The following BCL2L13 variants were observed in gnomAD, a reference collection of about 807,000 sequenced individuals.
The protein encoded by BCL2L13 is bcl-2-like protein 13.
Under a neutral mutation model 25.8 loss-of-function variants are expected in BCL2L13, and 13 were observed. That is an observed-to-expected ratio of 0.50 (90% confidence interval 0.33 to 0.80). BCL2L13 has a LOEUF of 0.80. Among genes scored for constraint, BCL2L13 ranks in the 30% least tolerant of loss-of-function variants. BCL2L13 has a pLI of 0.02. For synonymous variants in BCL2L13, 244 were observed against 230.3 expected (o/e 1.06, Z -0.54); for missense variants, 504 against 574.9 (o/e 0.88, Z 1.26).
At chr22:17,701,383 C>T (rs1466620199) in intron 5 of BCL2L13, among the ~76,000 whole-genome samples, 2 of 152,160 alleles carry the variant, frequency 1.3e-5, no homozygotes, top group Admixed American at 6.5e-5. Flanking sequence ...TTTTAGGCAA[C>T]CACTATTACC....
chr22:17,647,216 C>T (rs928603867), intron 1 of BCL2L13, among the ~76,000 whole-genome samples: 12 of 151,650 alleles, frequency 7.9e-5, no homozygotes, highest in African/African-American at 2.7e-4. Flanking sequence ...CCTTGTGATC[C>T]GCTCGCCTTG....
At chr22:17,642,863 C>T (rs1223356002) in intron 1 of BCL2L13, among the ~76,000 whole-genome samples, 1 of 152,150 alleles carries the variant, frequency 6.6e-6, no homozygotes, top group Admixed American at 6.6e-5. Flanking sequence ...TCCCAAAGTG[C>T]TGGGATTATA....
chr22:17,677,855 G>A (rs922416941), intron 2 of BCL2L13, among the ~76,000 whole-genome samples: 4 of 150,630 alleles, frequency 2.7e-5, no homozygotes, highest in Admixed American at 6.6e-5. Context: ...GCGACAGAGC[G>A]AGACTCTGTC....
intron 2 of BCL2L13, among the ~76,000 whole-genome samples, chr22:17,668,041 C>T (rs1366944332): frequency 1.5e-5 from 2 of 135,974 alleles, no homozygotes; most frequent in African/African-American, 5.6e-5. Flanking sequence ...GAGACAGTCT[C>T]GCTCTGTCGC....
intron 5 of BCL2L13, 133 bp downstream of exon 5, chr22:17,696,343 TA>T: frequency 2.6e-6 from 2 of 780,044 alleles, no homozygotes; most frequent in South Asian, 3.2e-5. Flanking sequence ...GTTAAGGGGA[TA>T]TTTTTGGTTA....
chr22:17,673,279 G>T (rs2059471327), intron 2 of BCL2L13, among the ~76,000 whole-genome samples: 1 of 151,756 alleles, frequency 6.6e-6, no homozygotes, highest in Non-Finnish European at 1.5e-5. Context: ...ATAAATAAAT[G>T]CTCTATTTAT....
intron 5 of BCL2L13, among the ~76,000 whole-genome samples, chr22:17,700,847 C>T (rs2060412518): frequency 6.6e-6 from 1 of 152,166 alleles, no homozygotes; most frequent in Non-Finnish European, 1.5e-5. Context: ...CCCAGGGCTG[C>T]TTTCTCTTCG....
chr22:17,701,438 CAT>C (rs917055512), intron 5 of BCL2L13, among the ~76,000 whole-genome samples: 10 of 152,032 alleles, frequency 6.6e-5, no homozygotes, highest in South Asian at 2.1e-4. Context: ...ATTATATAGA[CAT>C]ATATATATGT....
intron 1 of BCL2L13, among the ~76,000 whole-genome samples, chr22:17,652,283 C>G (rs1202783997): frequency 1.3e-5 from 2 of 152,148 alleles, no homozygotes; most frequent in African/African-American, 4.8e-5. Flanking sequence ...AGTGATCCCT[C>G]TGCCTTGACC....
intron 2 of BCL2L13, among the ~76,000 whole-genome samples, chr22:17,676,236 C>T (rs1163112617): frequency 1.3e-5 from 2 of 151,898 alleles, no homozygotes; most frequent in East Asian, 3.9e-4. Flanking sequence ...CTGAGGCAGG[C>T]GGATCACTTC....
chr22:17,644,026 T>C (rs1206105090), intron 1 of BCL2L13, among the ~76,000 whole-genome samples: 1 of 151,274 alleles, frequency 6.6e-6, no homozygotes, highest in Non-Finnish European at 1.5e-5. Flanking sequence ...TTCTCCTGGC[T>C]CAGCCTCCTG....
chr22:17,652,034 T>C (rs2058706375), intron 1 of BCL2L13, among the ~76,000 whole-genome samples: 1 of 152,176 alleles, frequency 6.6e-6, no homozygotes, highest in Admixed American at 6.6e-5. Flanking sequence ...TATCACTACC[T>C]GGATGACCTG....
intron 6 of BCL2L13, among the ~76,000 whole-genome samples, chr22:17,716,283 T>G (rs1442771954): frequency 6.6e-6 from 1 of 152,186 alleles, no homozygotes; most frequent in Non-Finnish European, 1.5e-5. Context: ...AGTCTAAAAT[T>G]CCCTCTAAAA....
intron 1 of BCL2L13, among the ~76,000 whole-genome samples, chr22:17,649,673 T>C (rs1227553538): frequency 1.3e-5 from 2 of 150,844 alleles, no homozygotes; most frequent in Admixed American, 6.6e-5. Context: ...TGGCTAATTT[T>C]TGTATTTTTA....
rs1388796833 is a variant in BCL2L13 at position 17,730,647 on chromosome 22, C to A, written c.*3113C>A. 1 of 152,110 alleles carries A rather than the reference C, an allele frequency of 6.6e-6. No individual in the cohort carries two copies. Among genetic ancestry groups the A allele is most frequent in the African/African-American group, 2.4e-5 (1 of 41,408 alleles). The allele number at this position is 152,110 out of a possible 1,614,324, so 9.4% of individuals were successfully genotyped here. On this transcript the variant is annotated 3_prime_UTR_variant, in exon 7 of 7. Transcript: ENST00000317582. ...ATTTTCCCTTTCTCTTAATTTCTTA[C>A]ATCTTTCCACACAAACTTATCTTTC...
chr22:17,680,511 C>CAAAAAAAAAAAA lies in BCL2L13; in HGVS notation c.122-2684_122-2673dup, dbSNP rs770410371. Among the ~76,000 whole-genome samples the CAAAAAAAAAAAA allele has an allele frequency of 3.7e-4, 5 of 13,360 alleles. 1 individual carries two copies. The highest frequency in any genetic ancestry group is 1.5e-3 in the African/African-American group (5 of 3,324). The allele number at this position is 13,360 out of a possible 152,430, so 8.8% of individuals were successfully genotyped here. ...CCTGGGAGAGAGCGAGACTCTGTCT[C>CAAAAAAAAAAAA]AAAAAAAAAAAAAAAAAAAAAAAAA... is the stretch of plus-strand genomic sequence containing the variant. On this transcript the variant is annotated intron_variant, in intron 2 of 6. Coordinates refer to ENST00000317582, the MANE Select transcript of BCL2L13 (RefSeq NM_015367.4).
rs1166563828 is a variant in BCL2L13 at position 17,631,688 on chromosome 22, A to ATATATATT, written c.-650+2690_-650+2691insTTATATAT. ...TGTGTGTGTATATATATATATATAT[A>ATATATATT]TATATATATATATATATATTTTTTT... On this transcript the variant is annotated intron_variant, in intron 1 of 6. Transcript: ENST00000399782. 2.6e-3 allele frequency among the ~76,000 whole-genome samples: 125 copies of ATATATATT among 48,118 alleles called. 1 individual carries two copies. The highest frequency in any genetic ancestry group is 8.6e-3 in the African/African-American group (120 of 13,880). 31.6% of individuals were successfully genotyped at this position (48,118 alleles called of 152,430 possible). A position where few individuals can be genotyped will look rare whatever the true frequency, so the allele number is the denominator to read the frequency against.
At chr22:17,703,476 T>A (rs1444603921) in intron 6 of BCL2L13, 2 of 147,810 alleles carry the variant, frequency 1.4e-5, no homozygotes, top group Admixed American at 6.6e-5. Context: ...ATGCGGACTC[T>A]CTTTCTTTCT....
intron 6 of BCL2L13, among the ~76,000 whole-genome samples, chr22:17,707,090 A>G (rs1255671673): frequency 1.3e-5 from 2 of 152,198 alleles, no homozygotes; most frequent in African/African-American, 4.8e-5. Flanking sequence ...AATAGTTTTC[A>G]TATTGTGGGA....
Sources: allele counts gnomAD v4.1 joint callset (sites outside exome capture counted in the v4.1 genomes callset), GRCh38; gene constraint gnomAD v4.1.1; transcripts MANE v1.5; gene names NCBI Gene and HGNC (gene_info 2026-07-23, HGNC 2026-07-21).